The following BAZ2A variants were observed in gnomAD, a reference collection of about 807,000 sequenced individuals.
BAZ2A encodes bromodomain adjacent to zinc finger domain 2A.
BAZ2A carries 34 observed loss-of-function variants against 199.9 expected under a neutral mutation model. The observed-to-expected ratio is 0.17, with a 90% CI of 0.13 to 0.23. The LOEUF is 0.23. Among genes scored for constraint, BAZ2A ranks in the 10% least tolerant of loss-of-function variants. The pLI is 1.00. For synonymous variants in BAZ2A, 857 were observed against 883.9 expected (o/e 0.97, Z 0.54); for missense variants, 2,002 against 2,391.1 (o/e 0.84, Z 3.39).
intron 10 of BAZ2A, among the ~76,000 whole-genome samples, chr12:56,608,936 C>A (rs1950465595): frequency 7.4e-6 from 1 of 135,038 alleles, no homozygotes; most frequent in African/African-American, 2.9e-5. Context: ...TGCAGTGGCG[C>A]AATCTCAGCT....
At chr12:56,604,183 C>T (rs1592565668) in intron 16 of BAZ2A, 34 bp downstream of exon 16, 2 of 1,571,464 alleles carry the variant, frequency 1.3e-6, no homozygotes, top group Admixed American at 1.8e-5. Context: ...CACTTCTCTC[C>T]TCTCTGAGGC....
intron 1 of BAZ2A, among the ~76,000 whole-genome samples, chr12:56,628,298 C>T (rs1162884257): frequency 6.6e-6 from 1 of 151,514 alleles, no homozygotes; most frequent in East Asian, 1.9e-4. Flanking sequence ...CCACAAAATG[C>T]CTGGGGACAT....
rs1950674591 is a variant in BAZ2A, at chr12:56,615,082, A to T, written c.662T>A (p.Met221Lys). The T allele has an allele frequency of 1.2e-6, 2 of 1,613,830 alleles. No individual in the cohort carries two copies. Among genetic ancestry groups the T allele is most frequent in the Non-Finnish European group, 1.7e-6 (2 of 1,179,882 alleles). Residue 221 changes from methionine to lysine, a missense_variant, in exon 3 of 29, where the codon ATG becomes AAG. Physicochemically the swap from Met to Lys is moderately conservative, Grantham distance 95 (BLOSUM62 -1). Coordinates refer to ENST00000549884, the MANE Select transcript of BAZ2A (RefSeq NM_001300905.2). The part of the protein sequence containing the change: ...IHPDEAAEKE[M>K]TSVVAENGTG... ...GCCATTCTCTGCCACAACTGAAGTC[A>T]TCTCCTTTTCTGCTGCCTCATCAGG...
intron 1 of BAZ2A, chr12:56,620,949 G>T: frequency 1.9e-6 from 1 of 525,338 alleles, no homozygotes; most frequent in Non-Finnish European, 2.4e-6. Context: ...CTTCTTAAGT[G>T]CAAGAATTAA....
chr12:56,627,599 C>T (rs1311470631), intron 1 of BAZ2A, among the ~76,000 whole-genome samples: 1 of 151,486 alleles, frequency 6.6e-6, no homozygotes, highest in Non-Finnish European at 1.5e-5. Context: ...CTAAGGCAGG[C>T]AGGTCACTTG....
At chr12:56,628,519 A>T (rs1028366047) in intron 1 of BAZ2A, among the ~76,000 whole-genome samples, 2 of 152,210 alleles carry the variant, frequency 1.3e-5, no homozygotes, top group Non-Finnish European at 2.9e-5. Flanking sequence ...TTGATTCTGC[A>T]GAAGGTAGTA....
chr12:56,630,080 C>A, intron 1 of BAZ2A, 45 bp downstream of exon 1: 4 of 946,810 alleles, frequency 4.2e-6, no homozygotes, highest in Non-Finnish European at 3.8e-6. Context: ...CGGATGAAAG[C>A]GGGGCTCCCT....
upstream of BAZ2A, chr12:56,636,942 C>T (rs1951461078): frequency 1.3e-5 from 2 of 152,480 alleles, no homozygotes; most frequent in African/African-American, 4.8e-5. Flanking sequence ...TACTCCACCC[C>T]TGGCCCCGCG....
Position 56,605,274 on chromosome 12 carries a change from G to C in BAZ2A, c.2547C>G (p.Phe849Leu), listed in dbSNP as rs1160882745. The C allele has an allele frequency of 6.2e-7, 1 of 1,613,726 alleles. No homozygotes were observed. Among genetic ancestry groups the C allele is most frequent in the Non-Finnish European group, 8.5e-7 (1 of 1,179,814 alleles). ...ACTCCACAATGGTCAAGCAGTCTGAGAAGGCTCCACTGGGCAATGTCAGAC... is the reference window on the plus strand; with the variant it reads ...ACTCCACAATGGTCAAGCAGTCTGACAAGGCTCCACTGGGCAATGTCAGAC... ...VPGLTLPSGAFSDCLTIVEFL... is the reference protein window; with the variant it reads ...VPGLTLPSGALSDCLTIVEFL... The change falls in exon 14 of 29, where the codon TTC (phenylalanine) becomes TTG (leucine). Residue 849 changes from phenylalanine to leucine, a missense_variant. Phe to Leu is a conservative substitution (Grantham distance 22, BLOSUM62 0). This residue lies in a region of BAZ2A where 1,081 missense variants were observed against 1,274.7 expected (regional missense o/e 0.85). Coordinates refer to ENST00000549884, the MANE Select transcript of BAZ2A (RefSeq NM_001300905.2).
intron 1 of BAZ2A, among the ~76,000 whole-genome samples, chr12:56,620,671 T>C (rs1336399670): frequency 6.6e-6 from 1 of 150,446 alleles, no homozygotes; most frequent in Non-Finnish European, 1.5e-5. Context: ...GCGATTCTCC[T>C]GCCTCAGCCT....
At chr12:56,633,764 GTC>G (rs1297323950), upstream of BAZ2A, among the ~76,000 whole-genome samples, 2 of 152,080 alleles carry the variant, frequency 1.3e-5, no homozygotes, top group South Asian at 2.1e-4. Flanking sequence ...TTTTGAGACA[GTC>G]TTGCTCTGTC....
chr12:56,616,649 A>G (rs993563965), intron 2 of BAZ2A, among the ~76,000 whole-genome samples: 10 of 152,196 alleles, frequency 6.6e-5, no homozygotes, highest in Admixed American at 3.9e-4. Context: ...GTGGAATCCA[A>G]TGAAATAAAG....
At chr12:56,636,063 T>G in intron 1 of BAZ2A, 1 of 1,253,476 alleles carries the variant, frequency 8.0e-7, no homozygotes, top group Non-Finnish European at 1.1e-6. Context: ...TCCCCCAGAG[T>G]CCTGTTTCCT....
At chr12:56,600,547 GAA>G in intron 23 of BAZ2A, 57 bp from the exon 24 acceptor site, 2 of 1,231,910 alleles carry the variant, frequency 1.6e-6, no homozygotes, top group Non-Finnish European at 1.1e-6. Context: ...TTTGGCATAG[GAA>G]AAAAAAAAAC....
In BAZ2A at chr12:56,635,933, G is replaced by A. The variant is rs2137524811; in HGVS notation, c.4+249C>T. 6.6e-6 allele frequency among the ~76,000 whole-genome samples: 1 copy of A among 152,304 alleles called. No individual in the cohort carries two copies. Among genetic ancestry groups the A allele is most frequent in the African/African-American group, 2.4e-5 (1 of 41,566 alleles). On this transcript the variant is annotated intron_variant, in intron 1 of 29. Transcript: ENST00000379441. The surrounding 1 kb of genome is among the most constrained non-coding windows in gnomAD (Gnocchi z 4.1). ...GGGGCAATCCTCCACGGGGCGGCGG[G>A]GAGGGGGCTGGGAAAGCCCTGGCCT...
At chr12:56,613,427 T>C (rs1283505983) in intron 4 of BAZ2A, among the ~76,000 whole-genome samples, 194 bp from the exon 5 acceptor site, 1 of 152,106 alleles carries the variant, frequency 6.6e-6, no homozygotes, top group Non-Finnish European at 1.5e-5. Flanking sequence ...TCATAAAAGT[T>C]TGAGGGGAGG....
intron 10 of BAZ2A, 70 bp from the exon 11 acceptor site, chr12:56,606,803 A>C: frequency 2.4e-6 from 3 of 1,268,110 alleles, no homozygotes; most frequent in Admixed American, 1.7e-5. Context: ...AGGGCAACAC[A>C]TGCCCGTCTC....
Position 56,600,553 on chromosome 12 carries a change from AAAAAAC to A in BAZ2A, c.4603-69_4603-64del. Reference sequence around the variant, plus strand: ...GGAGGAAAATTTGGCATAGGAAAAAAAAAAACAAAAACAAGACCCACTTAAGGTAGG... The same window carrying A: ...GGAGGAAAATTTGGCATAGGAAAAAAAAAAACAAGACCCACTTAAGGTAGG... On this transcript the variant is annotated intron_variant, in intron 23 of 28. Coordinates refer to ENST00000549884, the MANE Select transcript of BAZ2A (RefSeq NM_001300905.2). 16 of 1,574,758 alleles carry A rather than the reference AAAAAAC, an allele frequency of 1.0e-5. No homozygotes were observed. The South Asian group carries it at 1.3e-4, about 13-fold the overall frequency.
intron 1 of BAZ2A, among the ~76,000 whole-genome samples, chr12:56,629,691 G>A (rs1951230905): frequency 6.6e-6 from 1 of 152,116 alleles, no homozygotes; most frequent in South Asian, 2.1e-4. Flanking sequence ...AAAACGCCCA[G>A]CTCCCCGCAA....
Sources: gnomAD v4.1 joint callset for allele counts (sites outside exome capture counted in the v4.1 genomes callset) on GRCh38, gnomAD v4.1.1 for gene constraint, gnomAD v4.1.1 regional missense constraint, Gnocchi (gnomAD v3.1) non-coding constraint, MANE v1.5 for transcripts, NCBI Gene and HGNC (gene_info 2026-07-23, HGNC 2026-07-21) for gene names.